PRPF39: variants seen among roughly 807,000 people sequenced by gnomAD.
The protein encoded by PRPF39 is pre-mRNA processing factor 39, also known as pre-mRNA-processing factor 39.
A neutral mutation model predicts 82.1 loss-of-function variants in PRPF39; 27 were observed. The observed-to-expected ratio is 0.33, with a 90% confidence interval of 0.24 to 0.45. The LOEUF (loss-of-function observed/expected upper bound fraction) is 0.45. Among genes scored for constraint, PRPF39 ranks in the 20% least tolerant of loss-of-function variants. The pLI is 1.00. For missense variants in PRPF39, 581 were observed against 796.9 expected, an observed-to-expected ratio of 0.73 and a Z score of 3.26; for synonymous variants, 261 against 256.4, an observed-to-expected ratio of 1.02 and a Z score of -0.17.
chr14:45,095,810 C>A, intron 2 of PRPF39: 1 of 530,752 alleles, frequency 1.9e-6, no homozygotes, highest in Non-Finnish European at 2.9e-6. Flanking sequence ...TGTAAAATTG[C>A]TGAAATAAAA....
At position 45,087,777 on chromosome 14, in the gene PRPF39, CG is replaced by C. The variant is rs376846431; in HGVS notation, c.-20+3531del. ...TTTTTTTTTGTATTTTTAGTAGAGA[CG>C]GGATTTCACCGTGTTAGACAGGATG... On this transcript the variant is annotated intron_variant, in intron 1 of 13. Transcript: ENST00000355765. 2.2e-3 allele frequency among the ~76,000 whole-genome samples: 314 copies of C among 140,700 alleles called. 4 individuals are homozygous for C. The highest frequency in any genetic ancestry group is 8.1e-3 in the African/African-American group (305 of 37,804). The allele number at this position is 140,700 out of a possible 152,430, so 92.3% of individuals were successfully genotyped here. A position where few individuals can be genotyped will look rare whatever the true frequency, so the allele number is the denominator to read the frequency against.
intron 12 of PRPF39, 94 bp downstream of exon 12, chr14:45,114,351 T>A: frequency 7.4e-7 from 1 of 1,352,062 alleles, no homozygotes; most frequent in Non-Finnish European, 1.0e-6. Context: ...ATGTTGTAAT[T>A]TACATACTTT....
At chr14:45,088,843 A>AT (rs1883926881) in intron 1 of PRPF39, among the ~76,000 whole-genome samples, 2 of 152,222 alleles carry the variant, frequency 1.3e-5, no homozygotes, top group African/African-American at 4.8e-5. Context: ...GTATTATTAC[A>AT]TTAAAGTGTC....
At chr14:45,095,631 T>G in intron 2 of PRPF39, 68 bp downstream of exon 2, 1 of 1,446,266 alleles carries the variant, frequency 6.9e-7, no homozygotes, top group Non-Finnish European at 9.1e-7. Context: ...AATGAAACAG[T>G]AGACCTTATT....
intron 3 of PRPF39, 74 bp downstream of exon 3, chr14:45,096,302 T>G: frequency 6.8e-7 from 1 of 1,474,590 alleles, no homozygotes; most frequent in Admixed American, 2.6e-5. Flanking sequence ...AAGATTTTTT[T>G]TTTTTTTTTT....
chr14:45,096,281 A>G (rs1160562324), intron 3 of PRPF39, 53 bp downstream of exon 3: 11 of 1,524,574 alleles, frequency 7.2e-6, no homozygotes, highest in African/African-American at 1.4e-5. Context: ...AAGCCAATTA[A>G]TAACAAAACA....
At chr14:45,093,848 C>A (rs1312514942) in intron 1 of PRPF39, among the ~76,000 whole-genome samples, 1 of 152,234 alleles carries the variant, frequency 6.6e-6, no homozygotes, top group East Asian at 1.9e-4. Context: ...AGCCACCACG[C>A]CCGGCCAAAG....
intron 5 of PRPF39, among the ~76,000 whole-genome samples, chr14:45,103,654 C>T (rs893671168): frequency 1.3e-5 from 2 of 152,142 alleles, no homozygotes; most frequent in African/African-American, 4.8e-5. Context: ...ATTCTCTCTG[C>T]TCTTGATGAA....
rs2139070660 is a variant in PRPF39, at chr14:45,114,532, A to G, written c.1871A>G (p.Asp624Gly). ...EPEEKKAHTE[D>G]TTSSSTQMID... Reference sequence around the variant, plus strand: ...GAGGAAAAGAAAGCACATACAGAAGATACAACTTCATCATCTACACAGATG... The same window carrying G: ...GAGGAAAAGAAAGCACATACAGAAGGTACAACTTCATCATCTACACAGATG... The change falls in exon 13 of 14, where the codon GAT (aspartate) becomes GGT (glycine). Residue 624 changes from aspartate (D) to glycine (G), a missense_variant. Physicochemically the swap from Asp to Gly is moderately conservative, Grantham distance 94. Transcript: ENST00000355765. 1 of 1,593,932 alleles carries G rather than the reference A, an allele frequency of 6.3e-7. No individual in the cohort carries two copies. Among genetic ancestry groups the G allele is most frequent in the East Asian group, 2.2e-5 (1 of 44,626 alleles).
rs1360925876 is a variant in PRPF39 at position 45,110,971 on chromosome 14, T to A, written c.1572+154T>A. On this transcript the variant is annotated intron_variant, in intron 10 of 13. Transcript: ENST00000355765. This position sits in a 1 kb window ranked among gnomAD's most constrained non-coding sequence, Gnocchi z 4.0. ...GTCCCTCTAAACTGATGTTGCCATTTAAAAATTTTTTTCAAATTGTTTTGA... is the reference window on the plus strand; with the variant it reads ...GTCCCTCTAAACTGATGTTGCCATTAAAAAATTTTTTTCAAATTGTTTTGA... 5.2e-6 allele frequency: 4 copies of A among 764,028 alleles called. No homozygotes were observed. In the African/African-American group the frequency reaches 7.0e-5, roughly 13 times the overall value. The allele number at this position is 764,028 out of a possible 1,614,324, so 47.3% of individuals were successfully genotyped here. A position where few individuals can be genotyped will look rare whatever the true frequency, so the allele number is the denominator to read the frequency against.
chr14:45,103,804 A>C (rs1212318168), intron 5 of PRPF39, among the ~76,000 whole-genome samples: 1 of 152,138 alleles, frequency 6.6e-6, no homozygotes, highest in Non-Finnish European at 1.5e-5. Flanking sequence ...TACTTAAATT[A>C]CCTGATGGGC....
chr14:45,107,977 C>T (rs567011455), intron 6 of PRPF39, among the ~76,000 whole-genome samples: 1 of 152,168 alleles, frequency 6.6e-6, no homozygotes, highest in East Asian at 1.9e-4. Flanking sequence ...CCTGTTATCC[C>T]TTGACTCCAT....
In PRPF39 at chr14:45,113,643, C is replaced by G. The variant is rs73340627; in HGVS notation, c.1758-540C>G. On this transcript the variant is annotated intron_variant, in intron 11 of 13. Coordinates refer to ENST00000355765, the MANE Select transcript of PRPF39 (RefSeq NM_017922.4). ...AAGTGTATGAGGTAGCAAATAACTGCTAGGAGGGCTGTGATGTCTCTCGAT... is the reference window on the plus strand; with the variant it reads ...AAGTGTATGAGGTAGCAAATAACTGGTAGGAGGGCTGTGATGTCTCTCGAT... 5.5e-3 allele frequency among the ~76,000 whole-genome samples: 839 copies of G among 152,250 alleles called. 5 individuals carry two copies. The highest frequency in any genetic ancestry group is 0.018 in the African/African-American group (734 of 41,550).
intron 1 of PRPF39, among the ~76,000 whole-genome samples, chr14:45,084,478 G>C (rs1883758580): frequency 6.6e-6 from 1 of 152,174 alleles, no homozygotes; most frequent in Admixed American, 6.5e-5. Context: ...CACTTGAGGG[G>C]TGCGTTAGGT....
At chr14:45,098,846 C>G (rs1271292874) in intron 4 of PRPF39, among the ~76,000 whole-genome samples, 1 of 152,146 alleles carries the variant, frequency 6.6e-6, no homozygotes, top group African/African-American at 2.4e-5. Context: ...AGATCTCACT[C>G]TTTTCTTGAT....
intron 7 of PRPF39, 147 bp downstream of exon 7, chr14:45,108,669 T>A: frequency 5.1e-6 from 6 of 1,173,626 alleles, no homozygotes; most frequent in Non-Finnish European, 6.7e-6. Flanking sequence ...TTTATTGTAA[T>A]CATTATCAGT....
chr14:45,114,437 C>G (rs568593824), intron 12 of PRPF39, 57 bp from the exon 13 acceptor site: 7 of 1,483,402 alleles, frequency 4.7e-6, no homozygotes, highest in Non-Finnish European at 6.3e-6. Context: ...TTCATCTATT[C>G]GTTAAAGTTC....
chr14:45,092,066 G>A lies in PRPF39; in HGVS notation c.-19-3155G>A, dbSNP rs367561726. On this transcript the variant is annotated intron_variant, in intron 1 of 13. Coordinates refer to ENST00000355765, the MANE Select transcript of PRPF39 (RefSeq NM_017922.4). Reference sequence around the variant, plus strand: ...GTCAAATCCAAGGTAAGAATAAATTGGTAGAAGGAAGGACCACACTAGTTG... The same window carrying A: ...GTCAAATCCAAGGTAAGAATAAATTAGTAGAAGGAAGGACCACACTAGTTG... Among the ~76,000 whole-genome samples the A allele has an allele frequency of 1.4e-4, 21 of 152,288 alleles. No individual in the cohort carries two copies. The East Asian group carries it at 3.7e-3, about 27-fold the overall frequency.
intron 1 of PRPF39, among the ~76,000 whole-genome samples, chr14:45,087,512 G>A (rs548760048): frequency 3.3e-5 from 5 of 152,038 alleles, no homozygotes; most frequent in African/African-American, 1.2e-4. Context: ...ATGAGGCTTA[G>A]AGAGGTTAAG....
Sources: gnomAD v4.1 joint callset for allele counts (sites outside exome capture counted in the v4.1 genomes callset) on GRCh38, gnomAD v4.1.1 for gene constraint, Gnocchi (gnomAD v3.1) non-coding constraint, MANE v1.5 for transcripts, NCBI Gene and HGNC (gene_info 2026-07-23, HGNC 2026-07-21) for gene names.